The following KIRREL3 variants were observed in gnomAD, a reference collection of about 807,000 sequenced individuals.
The protein encoded by KIRREL3 is kirre like nephrin family adhesion molecule 3, also known as kin of IRRE-like protein 3.
KIRREL3 carries 36 observed loss-of-function variants against 89.7 expected under a neutral mutation model. The ratio of observed to expected loss-of-function variants is 0.40; its 90% CI spans 0.31 to 0.53. The LOEUF is 0.53. Among genes scored for constraint, KIRREL3 ranks in the 20% least tolerant of loss-of-function variants. The pLI, the probability that KIRREL3 is intolerant of heterozygous loss-of-function variation, is 0.49. For synonymous variants in KIRREL3, 445 were observed against 441.4 expected (o/e 1.01, Z -0.10); for missense variants, 864 against 1,056.6 (o/e 0.82, Z 2.53).
chr11:126,836,119 A>C (rs1290665207), intron 1 of KIRREL3, among the ~76,000 whole-genome samples: 1 of 152,148 alleles, frequency 6.6e-6, no homozygotes, highest in Non-Finnish European at 1.5e-5. Flanking sequence ...GCTTATTTTA[A>C]TCATTTCCCC....
In KIRREL3 at chr11:126,750,956, A is replaced by G. The variant is rs1324007837; in HGVS notation, c.56-188044T>C. ...ACATTTATAGATTTTTATAAATCCA[A>G]TTAAGTTTATTATCTTAATATGATC... On this transcript the variant is annotated intron_variant, in intron 1 of 16. Coordinates refer to ENST00000525144, the MANE Select transcript of KIRREL3 (RefSeq NM_032531.4). The surrounding 1 kb of genome is among the most constrained non-coding windows in gnomAD (Gnocchi z 4.2). Among the ~76,000 whole-genome samples the G allele has an allele frequency of 6.6e-6, 1 of 152,238 alleles. No homozygotes were observed.
intron 2 of KIRREL3, among the ~76,000 whole-genome samples, chr11:126,534,114 C>T (rs918186194): frequency 1.3e-5 from 2 of 152,124 alleles, no homozygotes; most frequent in African/African-American, 4.8e-5. Context: ...AGTGTAGCAT[C>T]CATGGGTTCT....
chr11:126,440,548 T>C lies in KIRREL3; in HGVS notation c.1254A>G (p.Gly418=). 1.9e-6 allele frequency: 3 copies of C among 1,594,210 alleles called. No individual in the cohort carries two copies. The highest frequency in any genetic ancestry group is 2.6e-6 in the Non-Finnish European group (3 of 1,170,836). Residue 418 remains glycine, a splice_region_variant and synonymous_variant, in exon 11 of 17, where the codon GGA becomes GGG. Transcript: ENST00000525144. ...TCTGGGTGCTGGAGATGATGGGGGGTCCTGTTGAGAAACAGCGTCCCATTA... is the reference window on the plus strand; with the variant it reads ...TCTGGGTGCTGGAGATGATGGGGGGCCCTGTTGAGAAACAGCGTCCCATTA... ...GEREVTLTVN[G]PPIISSTQTQ...
Position 126,856,571 on chromosome 11 carries a change from A to ATATATATG in KIRREL3, c.55+143883_55+143884insCATATATA, listed in dbSNP as rs1944518930. 6.0e-4 allele frequency among the ~76,000 whole-genome samples: 3 copies of ATATATATG among 5,022 alleles called. No homozygotes were observed. The Admixed American group carries it at 9.5e-3, about 16-fold the overall frequency. 3.3% of individuals were successfully genotyped at this position (5,022 alleles called of 152,430 possible). On this transcript the variant is annotated intron_variant, in intron 1 of 16. Transcript: ENST00000525144. ...TTTTTCTAAGTATATATATATATAT[A>ATATATATG]TATATATATATATATATATATATAT...
rs1944919089 is a variant in KIRREL3, at chr11:126,651,888, G to C, written c.56-88976C>G. On this transcript the variant is annotated intron_variant, in intron 1 of 16. Coordinates refer to ENST00000525144, the MANE Select transcript of KIRREL3 (RefSeq NM_032531.4). The surrounding 1 kb of genome is among the most constrained non-coding windows in gnomAD (Gnocchi z 4.6). The stretch of plus-strand genomic sequence containing the variant: ...GTGGATGTTCAATTTTCCCATTTGG[G>C]GTGGTAATAACAGGTCTAATCATGA... Among the ~76,000 whole-genome samples, 1 of 152,178 alleles carries C rather than the reference G, an allele frequency of 6.6e-6. No homozygotes were observed. Among genetic ancestry groups the C allele is most frequent in the Non-Finnish European group, 1.5e-5 (1 of 68,034 alleles).
rs1937776850 is a variant in KIRREL3, at chr11:126,535,484, A to T, written c.134-8797T>A. 6.6e-6 allele frequency among the ~76,000 whole-genome samples: 1 copy of T among 151,984 alleles called. No homozygotes were observed. Among genetic ancestry groups the T allele is most frequent in the African/African-American group, 2.4e-5 (1 of 41,350 alleles). On this transcript the variant is annotated intron_variant, in intron 2 of 16. Coordinates refer to ENST00000525144, the MANE Select transcript of KIRREL3 (RefSeq NM_032531.4). This position sits in a 1 kb window ranked among gnomAD's most constrained non-coding sequence, Gnocchi z 4.5. The stretch of plus-strand genomic sequence containing the variant: ...AATCCCTAATTATTTCCTGAGGGGG[A>T]AGAGTCATTTTGCCATGGAAGGCGC...
At chr11:126,439,370 ATT>A (rs1289130696) in intron 11 of KIRREL3, among the ~76,000 whole-genome samples, 5 of 151,164 alleles carry the variant, frequency 3.3e-5, no homozygotes, top group African/African-American at 1.2e-4. Context: ...CCTCACCTTA[ATT>A]TTTTTGTTGT....
In KIRREL3 at chr11:126,987,669, G is replaced by T. The variant is rs56323646; in HGVS notation, c.55+12786C>A. Among the ~76,000 whole-genome samples the T allele has an allele frequency of 5.3e-5, 8 of 152,126 alleles. No individual in the cohort carries two copies. Among genetic ancestry groups the T allele is most frequent in the Non-Finnish European group, 1.2e-4 (8 of 68,028 alleles). The stretch of plus-strand genomic sequence containing the variant: ...GCTGCCAAGGCTCTGTTGATATGAC[G>T]GCATGTCCCACTGAAGTAAAAAGAA... On this transcript the variant is annotated intron_variant, in intron 1 of 16. Transcript: ENST00000525144. The surrounding 1 kb of genome is among the most constrained non-coding windows in gnomAD (Gnocchi z 4.6).
rs190850568 is a variant in KIRREL3, at chr11:126,752,155, A to G, written c.56-189243T>C. Among the ~76,000 whole-genome samples the G allele has an allele frequency of 8.0e-4, 122 of 152,298 alleles. No individual in the cohort carries two copies. Among genetic ancestry groups the G allele is most frequent in the Non-Finnish European group, 1.4e-3 (93 of 68,032 alleles). Reference sequence around the variant, plus strand: ...TGATACCTGTCCCTGAGTTATGAAGACGGGGTAAGCTAATGTATTGAAAGG... The same window carrying G: ...TGATACCTGTCCCTGAGTTATGAAGGCGGGGTAAGCTAATGTATTGAAAGG... On this transcript the variant is annotated intron_variant, in intron 1 of 16. Transcript: ENST00000525144. The surrounding 1 kb of genome is among the most constrained non-coding windows in gnomAD (Gnocchi z 4.8).
At chr11:126,839,714 A>G (rs1326323277) in intron 1 of KIRREL3, among the ~76,000 whole-genome samples, 1 of 152,198 alleles carries the variant, frequency 6.6e-6, no homozygotes, top group Non-Finnish European at 1.5e-5. Flanking sequence ...TCCCTGAAAC[A>G]TCCAGGCGGG....
At chr11:126,839,688 G>A (rs1399798499) in intron 1 of KIRREL3, among the ~76,000 whole-genome samples, 2 of 152,190 alleles carry the variant, frequency 1.3e-5, no homozygotes, top group East Asian at 3.8e-4. Flanking sequence ...CTTTGCTGTG[G>A]TGGAAGTGTG....
At position 126,635,438 on chromosome 11, in the gene KIRREL3, T is replaced by A. The variant is rs565005914; in HGVS notation, c.56-72526A>T. Among the ~76,000 whole-genome samples, 1 of 152,342 alleles carries A rather than the reference T, an allele frequency of 6.6e-6. No individual in the cohort carries two copies. Among genetic ancestry groups the A allele is most frequent in the South Asian group, 2.1e-4 (1 of 4,828 alleles). On this transcript the variant is annotated intron_variant, in intron 1 of 16. Coordinates refer to ENST00000525144, the MANE Select transcript of KIRREL3 (RefSeq NM_032531.4). The surrounding 1 kb of genome is among the most constrained non-coding windows in gnomAD (Gnocchi z 4.0). ...TTCCTCATTAAAAGGGCTGGGCTGG[T>A]TGGCTGGCTCCAAGGCCCTCAGCAC...
rs1480590637 is a variant in KIRREL3 at position 126,441,125 on chromosome 11, C to T, written c.1253-576G>A. 6.6e-6 allele frequency among the ~76,000 whole-genome samples: 1 copy of T among 152,238 alleles called. No homozygotes were observed. The highest frequency in any genetic ancestry group is 1.9e-4 in the East Asian group (1 of 5,194). On this transcript the variant is annotated intron_variant, in intron 10 of 16. Transcript: ENST00000525144. This position sits in a 1 kb window ranked among gnomAD's most constrained non-coding sequence, Gnocchi z 5.0. ...TCACCCCGGACAGGGGGAATGCATG[C>T]GCTGGCCGTGTTCACAGCCCTCCTC...
rs1948391866 is a variant in KIRREL3, at chr11:126,940,374, T to G, written c.55+60081A>C. On this transcript the variant is annotated intron_variant, in intron 1 of 16. Coordinates refer to ENST00000525144, the MANE Select transcript of KIRREL3 (RefSeq NM_032531.4). This position sits in a 1 kb window ranked among gnomAD's most constrained non-coding sequence, Gnocchi z 4.6. Reference sequence around the variant, plus strand: ...AAGATTTATAATTACGCCAGTAGATTTACTTTTGCTATGCCGCCCTAGATT... The same window carrying G: ...AAGATTTATAATTACGCCAGTAGATGTACTTTTGCTATGCCGCCCTAGATT... 1 of 148,854 alleles carries G rather than the reference T, an allele frequency of 6.7e-6. No homozygotes were observed. The highest frequency in any genetic ancestry group is 1.5e-5 in the Non-Finnish European group (1 of 67,590). 9.2% of individuals were successfully genotyped at this position (148,854 alleles called of 1,614,324 possible).
At chr11:126,815,772 T>C (rs1951551762) in intron 1 of KIRREL3, among the ~76,000 whole-genome samples, 1 of 152,174 alleles carries the variant, frequency 6.6e-6, no homozygotes, top group Non-Finnish European at 1.5e-5. Context: ...CCTGACCTCG[T>C]GATCTGCCCA....
chr11:126,548,439 T>C (rs565764646), intron 2 of KIRREL3, among the ~76,000 whole-genome samples: 2 of 152,298 alleles, frequency 1.3e-5, no homozygotes, highest in East Asian at 3.9e-4. Flanking sequence ...ACTCCACCCA[T>C]GCCCTACAGG....
In KIRREL3 at chr11:126,880,271, G is replaced by A. The variant is rs543233973; in HGVS notation, c.55+120184C>T. 4.7e-4 allele frequency among the ~76,000 whole-genome samples: 71 copies of A among 152,144 alleles called. No homozygotes were observed. In the South Asian group the frequency reaches 6.5e-3, roughly 14 times the overall value. ...TTGAAGATTCTGCTGGGGACTCTTC[G>A]ACAACTGTTTTCTTTGACCCACTCA... On this transcript the variant is annotated intron_variant, in intron 1 of 16. Transcript: ENST00000525144.
rs1946445181 is a variant in KIRREL3 at position 126,903,319 on chromosome 11, G to A, written c.55+97136C>T. On this transcript the variant is annotated intron_variant, in intron 1 of 16. Transcript: ENST00000525144. The surrounding 1 kb of genome is among the most constrained non-coding windows in gnomAD (Gnocchi z 4.5). ...AACTAATTTTTTCCTCTTTTTCTCT[G>A]GGTTAACAATGCAGGGATCATAGTT... is the stretch of plus-strand genomic sequence containing the variant. 6.6e-6 allele frequency among the ~76,000 whole-genome samples: 1 copy of A among 151,392 alleles called. No individual in the cohort carries two copies. Among genetic ancestry groups the A allele is most frequent in the African/African-American group, 2.4e-5 (1 of 41,182 alleles).
At chr11:126,781,743 G>A (rs748768307) in intron 1 of KIRREL3, among the ~76,000 whole-genome samples, 2 of 152,130 alleles carry the variant, frequency 1.3e-5, no homozygotes, top group African/African-American at 2.4e-5. Context: ...GGCTCTGTGG[G>A]CCACCCGGCT....
Sources: allele counts gnomAD v4.1 joint callset (sites outside exome capture counted in the v4.1 genomes callset), GRCh38; gene constraint gnomAD v4.1.1; non-coding constraint Gnocchi (gnomAD v3.1); transcripts MANE v1.5; gene names NCBI Gene and HGNC (gene_info 2026-07-23, HGNC 2026-07-21).